The following SYTL5 variants were observed in gnomAD, a reference collection of about 807,000 sequenced individuals.
SYTL5 encodes synaptotagmin-like protein 5.
A neutral mutation model predicts 55.9 loss-of-function variants in SYTL5; 34 were observed. That is an observed-to-expected ratio of 0.61 (90% CI 0.46 to 0.81). The LOEUF (loss-of-function observed/expected upper bound fraction) is 0.81. SYTL5 is among the 30% of genes least tolerant of loss of function. The pLI is 0.00. For synonymous variants in SYTL5, 221 were observed against 188.7 expected (o/e 1.17, Z -1.40); for missense variants, 637 against 546.7 (o/e 1.17, Z -1.65).
intron 3 of SYTL5, among the ~76,000 whole-genome samples, chrX:38,057,505 A>G (rs1330324694): frequency 9.0e-6 from 1 of 111,579 alleles, no homozygotes; most frequent in Non-Finnish European, 1.9e-5. Flanking sequence ...TTGTGGTTCC[A>G]TGTAAATTTT....
intron 14 of SYTL5, 62 bp downstream of exon 14, chrX:38,120,528 A>G: frequency 1.2e-6 from 1 of 853,250 alleles, no homozygotes. Flanking sequence ...TGGTAGTGGG[A>G]CTCAGGGATT....
intron 6 of SYTL5, among the ~76,000 whole-genome samples, chrX:38,078,764 T>C (rs1936453832): frequency 8.9e-6 from 1 of 112,343 alleles, no homozygotes; most frequent in African/African-American, 3.2e-5. Context: ...ACCAAAACTA[T>C]AAAGCCATAT....
chrX:38,096,932 A>C (rs988468439), intron 9 of SYTL5, among the ~76,000 whole-genome samples: 4 of 111,342 alleles, frequency 3.6e-5, no homozygotes, highest in African/African-American at 1.3e-4. Context: ...AGTGAGATTA[A>C]ATTATTTCAA....
Position 38,046,989 on chromosome X carries a change from G to A in SYTL5, c.120-7224G>A, listed in dbSNP as rs774712859. 1.1e-4 allele frequency among the ~76,000 whole-genome samples: 12 copies of A among 112,376 alleles called. No homozygotes were observed. In the East Asian group the frequency reaches 3.4e-3, roughly 32 times the overall value. On this transcript the variant is annotated intron_variant, in intron 2 of 16. Coordinates refer to ENST00000297875, the MANE Select transcript of SYTL5 (RefSeq NM_138780.3). ...CCAGGTCACGCACGCTGATGCAAGA[G>A]GTGGGTTCCCATGGTCTTGGGCAGC...
chrX:37,966,858 C>T, the SYTL5 span, among the ~76,000 whole-genome samples: 1 of 111,924 alleles, frequency 8.9e-6, no homozygotes, highest in Non-Finnish European at 1.9e-5. Context: ...TATATATTTA[C>T]CTTGACCATC....
chrX:38,043,690 T>TATATATATATATACAC (rs1366385489), intron 2 of SYTL5, among the ~76,000 whole-genome samples: 1,224 of 69,383 alleles, frequency 0.018, 31 homozygotes, highest in African/African-American at 0.024. Context: ...TATATATATA[T>TATATATATATATACAC]ACATATATAT....
intron 3 of SYTL5, among the ~76,000 whole-genome samples, chrX:38,069,534 C>A (rs1389210036): frequency 1.8e-5 from 2 of 111,770 alleles, no homozygotes; most frequent in African/African-American, 3.3e-5. Context: ...CCAGTCATTG[C>A]CTGTGGACCT....
chrX:38,112,869 C>T (rs1434762717), intron 13 of SYTL5, among the ~76,000 whole-genome samples: 1 of 111,940 alleles, frequency 8.9e-6, no homozygotes, highest in African/African-American at 3.2e-5. Context: ...GGAGACTTGA[C>T]GTTTCTCATA....
Position 38,073,793 on chromosome X carries a change from A to G in SYTL5, c.554+95A>G, listed in dbSNP as rs752968388. ...ATTTTTCAAGTTTGATGTCACTTCA[A>G]TGACCCAGAGGAGGTCAGAGACTCA... On this transcript the variant is annotated intron_variant, in intron 5 of 16. Transcript: ENST00000297875. 41 of 549,522 alleles carry G rather than the reference A, an allele frequency of 7.5e-5. No individual in the cohort carries two copies. The African/African-American group carries it at 8.3e-4, about 11-fold the overall frequency. The allele number at this position is 549,522 out of a possible 1,213,427, so 45.3% of individuals were successfully genotyped here.
Position 38,106,605 on chromosome X carries a change from A to G in SYTL5, c.1168A>G (p.Ser390Gly). Residue 390 changes from serine (S) to glycine (G), a missense_variant, in exon 11 of 17, where the codon AGC becomes GGC. Transcript: ENST00000297875. ...ASGLSTTSLN[S>G]MMSVYSETGD... is the part of the protein sequence containing the mutation. Reference sequence around the variant, plus strand: ...TTGTTTATTCCAGACCAGCCTTAACAGCATGATGAGCGTTTACAGTGAAAC... The same window carrying G: ...TTGTTTATTCCAGACCAGCCTTAACGGCATGATGAGCGTTTACAGTGAAAC... 8.3e-7 allele frequency: 1 copy of G among 1,199,880 alleles called. No homozygotes were observed. The highest frequency in any genetic ancestry group is 3.0e-5 in the East Asian group (1 of 33,599).
Position 38,086,318 on chromosome X carries a change from T to C in SYTL5, c.690-3128T>C, listed in dbSNP as rs1308667226. ...CTGCCACACAGGGTCATTGTAAGAGTATACTGAAATGATTGCTGTCAGATG... is the reference window on the plus strand; with the variant it reads ...CTGCCACACAGGGTCATTGTAAGAGCATACTGAAATGATTGCTGTCAGATG... On this transcript the variant is annotated intron_variant, in intron 6 of 16. Transcript: ENST00000297875. Among the ~76,000 whole-genome samples, 6 of 111,609 alleles carry C rather than the reference T, an allele frequency of 5.4e-5. No individual in the cohort carries two copies. In the Admixed American group the frequency reaches 5.7e-4, roughly 11 times the overall value.
At chrX:38,082,966 G>A (rs945041671) in intron 6 of SYTL5, among the ~76,000 whole-genome samples, 4 of 112,145 alleles carry the variant, frequency 3.6e-5, no homozygotes, top group African/African-American at 1.3e-4. Context: ...CTTCTTATAT[G>A]CAATATAACA....
Position 38,093,866 on chromosome X carries a change from A to T in SYTL5, c.832-429A>T, listed in dbSNP as rs765950069. 5.5e-5 allele frequency among the ~76,000 whole-genome samples: 6 copies of T among 109,772 alleles called. No homozygotes were observed. In the South Asian group the frequency reaches 2.0e-3, roughly 37 times the overall value. ...TAAATGGGGGTGGAAGAGGTAAGGG[A>T]TGGTTGAAGAGAGGGTATGTTGAAA... is the stretch of plus-strand genomic sequence containing the variant. On this transcript the variant is annotated intron_variant, in intron 7 of 16. Transcript: ENST00000297875.
the SYTL5 span, among the ~76,000 whole-genome samples, chrX:37,971,807 C>CT: frequency 1.3e-3 from 128 of 101,243 alleles, no homozygotes; most frequent in Non-Finnish European, 1.8e-3. Flanking sequence ...TTTATTCCGG[C>CT]TTTTTTTTTT....
In SYTL5 at chrX:38,061,714, A is replaced by T. The variant is rs779105992; in HGVS notation, c.329+7292A>T. ...TCTCCAATCCCTTCTGATTCCAACA[A>T]GTTGGCTATTGTAAGCCTAGTTTTT... On this transcript the variant is annotated intron_variant, in intron 3 of 16. Transcript: ENST00000297875. Among the ~76,000 whole-genome samples the T allele has an allele frequency of 2.7e-5, 3 of 111,824 alleles. No individual in the cohort carries two copies. In the South Asian group the frequency reaches 1.1e-3, roughly 43 times the overall value.
rs957449889 is a variant in SYTL5 at position 38,091,546 on chromosome X, A to G, written c.831+1959A>G. On this transcript the variant is annotated intron_variant, in intron 7 of 16. Transcript: ENST00000297875. ...TGGGGCAGTATGCGGGGGCCCTTCT[A>G]TGTCATGCACTAAACCTGAATTATG... Among the ~76,000 whole-genome samples the G allele has an allele frequency of 2.7e-5, 3 of 111,330 alleles. No individual in the cohort carries two copies. The Admixed American group carries it at 2.9e-4, about 11-fold the overall frequency.
chrX:38,034,031 A>T, intron 2 of SYTL5, 23 bp downstream of exon 2: 1 of 973,862 alleles, frequency 1.0e-6, no homozygotes, highest in Non-Finnish European at 1.4e-6. Flanking sequence ...TTATTTTTTC[A>T]GTCCTCCTTG....
the SYTL5 span, among the ~76,000 whole-genome samples, chrX:38,000,541 G>A: frequency 8.9e-6 from 1 of 111,967 alleles, no homozygotes; most frequent in Admixed American, 9.4e-5. Flanking sequence ...GTATCTAAAG[G>A]TGAATGTTTA....
chrX:38,060,588 A>G (rs1396477404), intron 3 of SYTL5, among the ~76,000 whole-genome samples: 1 of 111,947 alleles, frequency 8.9e-6, no homozygotes, highest in Non-Finnish European at 1.9e-5. Flanking sequence ...TGAATGGATG[A>G]ATAAATGGTT....
Sources: gnomAD v4.1 joint callset for allele counts (sites outside exome capture counted in the v4.1 genomes callset) on GRCh38, gnomAD v4.1.1 for gene constraint, MANE v1.5 for transcripts, NCBI Gene and HGNC (gene_info 2026-07-23, HGNC 2026-07-21) for gene names.